CCDC171: variants seen among roughly 807,000 people sequenced by gnomAD.
CCDC171 encodes the protein coiled-coil domain containing 171.
CCDC171 carries 177 observed loss-of-function variants against 168.2 expected under a neutral mutation model. That is an observed-to-expected ratio of 1.05 (90% CI 0.93 to 1.19). The LOEUF (loss-of-function observed/expected upper bound fraction) is 1.19, where lower values mean the gene tolerates loss of function less well. Among genes scored for constraint, CCDC171 ranks in the 50% most tolerant of loss-of-function variants. The pLI, the probability that CCDC171 is intolerant of heterozygous loss-of-function variation, is 0.00. For missense variants in CCDC171, 1,991 were observed against 1,539.0 expected (o/e 1.29, Z -4.91); for synonymous variants, 687 against 540.8 (o/e 1.27, Z -3.75).
chr9:16,093,782 C>T, the CCDC171 span, among the ~76,000 whole-genome samples: 4 of 152,148 alleles, frequency 2.6e-5, no homozygotes, highest in Non-Finnish European at 5.9e-5. Flanking sequence ...TAAGTGAGTA[C>T]CCTGCCTCTC....
the CCDC171 span, among the ~76,000 whole-genome samples, chr9:16,105,120 T>C: frequency 6.6e-6 from 1 of 152,224 alleles, no homozygotes; most frequent in Non-Finnish European, 1.5e-5. Flanking sequence ...GTCAAGGCTG[T>C]TAGGCTACAG....
intron 3 of CCDC171, among the ~76,000 whole-genome samples, chr9:16,005,019 G>T (rs986626984): frequency 6.6e-6 from 1 of 152,084 alleles, no homozygotes; most frequent in Non-Finnish European, 1.5e-5. Flanking sequence ...CTTTATTGAA[G>T]TATTAATCAT....
chr9:15,842,682 T>C (rs2060731034), intron 21 of CCDC171, among the ~76,000 whole-genome samples: 1 of 151,964 alleles, frequency 6.6e-6, no homozygotes, highest in East Asian at 1.9e-4. Flanking sequence ...AAAGAGTGAA[T>C]TGTTTAGTAT....
At chr9:15,863,704 T>C (rs1563895028) in intron 23 of CCDC171, among the ~76,000 whole-genome samples, 1 of 152,112 alleles carries the variant, frequency 6.6e-6, no homozygotes, top group Non-Finnish European at 1.5e-5. Context: ...ACTTATGTGG[T>C]AAGGTCAATG....
chr9:15,972,141 G>A lies in CCDC171; in HGVS notation c.*305G>A, dbSNP rs182096857. On this transcript the variant is annotated 3_prime_UTR_variant, in exon 26 of 26. Coordinates refer to ENST00000380701, the MANE Select transcript of CCDC171 (RefSeq NM_173550.4). ...TTAAAAAAATCAATAAGCCATTTTAGTCTCTATCTATCAAAGTTGTTTCAT... is the reference window on the plus strand; with the variant it reads ...TTAAAAAAATCAATAAGCCATTTTAATCTCTATCTATCAAAGTTGTTTCAT... 1.2e-5 allele frequency: 4 copies of A among 326,286 alleles called. No homozygotes were observed. Among genetic ancestry groups the A allele is most frequent in the East Asian group, 6.7e-5 (1 of 14,864 alleles). The allele number at this position is 326,286 out of a possible 1,614,324, so 20.2% of individuals were successfully genotyped here. A position where few individuals can be genotyped will look rare whatever the true frequency, so the allele number is the denominator to read the frequency against.
chr9:15,741,582 T>C (rs925936864), intron 16 of CCDC171, among the ~76,000 whole-genome samples: 1 of 152,222 alleles, frequency 6.6e-6, no homozygotes, highest in Non-Finnish European at 1.5e-5. Context: ...ATAATGTTGC[T>C]GTGAACAAGA....
intron 7 of CCDC171, among the ~76,000 whole-genome samples, chr9:15,654,286 A>T (rs1306438293): frequency 6.6e-6 from 1 of 152,214 alleles, no homozygotes; most frequent in Non-Finnish European, 1.5e-5. Flanking sequence ...AAATAAAGCA[A>T]ATAGTTCATT....
chr9:15,986,657 C>A (rs746573848), intron 3 of CCDC171, among the ~76,000 whole-genome samples: 1 of 152,164 alleles, frequency 6.6e-6, no homozygotes, highest in African/African-American at 2.4e-5. Flanking sequence ...AGATGGAGAC[C>A]AACTTACTGA....
chr9:15,679,339 G>T (rs2049876672), intron 10 of CCDC171, among the ~76,000 whole-genome samples: 1 of 151,972 alleles, frequency 6.6e-6, no homozygotes, highest in Admixed American at 6.6e-5. Flanking sequence ...GTAAAATATT[G>T]ATCTGTTTTT....
chr9:15,756,443 T>C (rs534658489), intron 18 of CCDC171, among the ~76,000 whole-genome samples: 1 of 152,210 alleles, frequency 6.6e-6, no homozygotes, highest in Non-Finnish European at 1.5e-5. Flanking sequence ...GTGGGTATAT[T>C]GTGTGATGCT....
intron 16 of CCDC171, among the ~76,000 whole-genome samples, chr9:15,742,579 C>G (rs1053561256): frequency 6.6e-6 from 1 of 152,182 alleles, no homozygotes; most frequent in East Asian, 1.9e-4. Flanking sequence ...CTCAGAGTTC[C>G]TTGCTTCTTT....
Position 15,744,401 on chromosome 9 carries a change from C to G in CCDC171, c.2178C>G (p.Ser726=), listed in dbSNP as rs1318290570. 6.2e-7 allele frequency: 1 copy of G among 1,614,052 alleles called. No homozygotes were observed. Among genetic ancestry groups the G allele is most frequent in the Non-Finnish European group, 8.5e-7 (1 of 1,180,038 alleles). ...LLSQTQREQM[S]LLAACALMAG... ...CACAGACTCAAAGGGAACAGATGTC[C>G]TTGCTGGCAGCCTGTGCATTAATGG... Residue 726 remains serine, a synonymous_variant, in exon 17 of 26, where the codon TCC becomes TCG. Transcript: ENST00000380701.
chr9:15,747,659 G>T, intron 18 of CCDC171, among the ~76,000 whole-genome samples: 1 of 152,180 alleles, frequency 6.6e-6, no homozygotes, highest in East Asian at 1.9e-4. Flanking sequence ...CAGCTGAGGA[G>T]CCTGTTAGAA....
chr9:15,562,601 C>A (rs1448512450), intron 1 of CCDC171, among the ~76,000 whole-genome samples: 4 of 152,114 alleles, frequency 2.6e-5, no homozygotes, highest in African/African-American at 9.7e-5. Flanking sequence ...CACTTCTCTG[C>A]CCAATATACG....
chr9:15,716,196 G>T (rs554052654), intron 11 of CCDC171, among the ~76,000 whole-genome samples: 1 of 152,304 alleles, frequency 6.6e-6, no homozygotes, highest in South Asian at 2.1e-4. Flanking sequence ...GACAGAGGGA[G>T]AGAGAAGCTC....
intron 3 of CCDC171, among the ~76,000 whole-genome samples, chr9:15,994,731 C>T (rs547715608): frequency 6.6e-6 from 1 of 152,320 alleles, no homozygotes; most frequent in Admixed American, 6.5e-5. Flanking sequence ...ACAACGTCAT[C>T]TCAGTCATCA....
intron 21 of CCDC171, among the ~76,000 whole-genome samples, chr9:15,832,914 G>C (rs2060292535): frequency 6.6e-6 from 1 of 150,894 alleles, no homozygotes; most frequent in Admixed American, 6.6e-5. Context: ...CGTTAGCCTA[G>C]CTCTACACAG....
At chr9:16,096,567 C>T in the CCDC171 span, among the ~76,000 whole-genome samples, 2 of 152,184 alleles carry the variant, frequency 1.3e-5, no homozygotes, top group Non-Finnish European at 2.9e-5. Flanking sequence ...TTTAACTTCT[C>T]ACTTGTTCTT....
At chr9:15,631,195 A>G (rs1024247824) in intron 7 of CCDC171, among the ~76,000 whole-genome samples, 7 of 151,796 alleles carry the variant, frequency 4.6e-5, no homozygotes, top group Admixed American at 1.3e-4. Context: ...AGGAAATAGA[A>G]ACACAAAAAA....
Sources: allele counts gnomAD v4.1 joint callset (sites outside exome capture counted in the v4.1 genomes callset), GRCh38; gene constraint gnomAD v4.1.1; transcripts MANE v1.5; gene names NCBI Gene and HGNC (gene_info 2026-07-23, HGNC 2026-07-21).